The following IAH1 variants were observed in gnomAD, a reference collection of about 807,000 sequenced individuals.
IAH1 encodes the protein isoamyl acetate hydrolyzing esterase 1 (putative), also known as isoamyl acetate-hydrolyzing esterase 1 homolog.
Under a neutral mutation model 26.7 loss-of-function variants are expected in IAH1, and 24 were observed. The observed-to-expected ratio is 0.90, with a 90% confidence interval of 0.65 to 1.26. The LOEUF is 1.26. Among genes scored for constraint, IAH1 ranks in the 50% most tolerant of loss-of-function variants. The pLI is 0.00. For missense variants in IAH1, 300 were observed against 299.9 expected, an observed-to-expected ratio of 1.00 and a Z score of 0.00; for synonymous variants, 140 against 118.5, an observed-to-expected ratio of 1.18 and a Z score of -1.18.
At position 9,478,272 on chromosome 2, in the gene IAH1, C is replaced by T. The variant is rs770430390; in HGVS notation, c.185C>T (p.Ala62Val). ...TTTTCAGGTTACAATACCAGGTGGG[C>T]CAAAATTATCCTTCCAAGATTAATC... is the stretch of plus-strand genomic sequence containing the variant. ...RGFSGYNTRW[A>V]KIILPRLIRK... is the part of the protein sequence containing the mutation. The change falls in exon 3 of 6, where the codon GCC becomes GTC. Residue 62 changes from alanine to valine, a missense_variant. Transcript: ENST00000497473. The T allele has an allele frequency of 1.2e-6, 2 of 1,612,604 alleles. No individual in the cohort carries two copies. The highest frequency in any genetic ancestry group is 3.3e-5 in the Admixed American group (2 of 59,788).
rs1348081033 is a variant in IAH1 at position 9,488,330 on chromosome 2, C to T, written c.*1C>T. 6.3e-7 allele frequency: 1 copy of T among 1,594,876 alleles called. No individual in the cohort carries two copies. The highest frequency in any genetic ancestry group is 8.5e-7 in the Non-Finnish European group (1 of 1,173,406). On this transcript the variant is annotated 3_prime_UTR_variant, in exon 6 of 6. Coordinates refer to ENST00000497473, the MANE Select transcript of IAH1 (RefSeq NM_001039613.3). ...TCTGCTGGGAGATGGAGACCATTAG[C>T]CAATCACAGGAGACCCAAATCTGCT...
chr2:9,498,373 G>T (rs1662773603), downstream of IAH1, among the ~76,000 whole-genome samples: 1 of 152,178 alleles, frequency 6.6e-6, no homozygotes, highest in Non-Finnish European at 1.5e-5. Context: ...GTTAAACTGG[G>T]AGAGACAGGA....
chr2:9,496,151 TG>T (rs1433739815), intron 6 of IAH1, among the ~76,000 whole-genome samples: 1 of 152,122 alleles, frequency 6.6e-6, no homozygotes, highest in South Asian at 2.1e-4. Context: ...TTATTTGAAA[TG>T]GAGTCTCGCT....
downstream of IAH1, chr2:9,490,328 T>C: frequency 6.2e-7 from 1 of 1,614,092 alleles, no homozygotes; most frequent in South Asian, 1.1e-5. Context: ...CTCAAACCCA[T>C]CCTCGTCCAT....
chr2:9,489,725 CA>C (rs548548539), exon 6 of IAH1: 5,324 of 78,278 alleles, frequency 0.068, 40 homozygotes, highest in Non-Finnish European at 0.077. Context: ...TAGTTGAAGG[CA>C]AAAAAAAAAA....
the IAH1 span, chr2:9,505,070 T>TCA: frequency 2.3e-6 from 3 of 1,324,218 alleles, no homozygotes; most frequent in South Asian, 3.8e-5. Flanking sequence ...CACACCCCTT[T>TCA]CAGTTGATTC....
rs1661362198 is a variant in IAH1 at position 9,484,477 on chromosome 2, A to G, written c.491A>G (p.Asn164Ser). 2 of 1,614,216 alleles carry G rather than the reference A, an allele frequency of 1.2e-6. No homozygotes were observed. Among genetic ancestry groups the G allele is most frequent in the Non-Finnish European group, 1.7e-6 (2 of 1,180,036 alleles). ...AACTCTGTTGTTGGTGAATATGCCA[A>G]TGCGTGTTTACAAGTGGCCCAAGAC... ...RLNSVVGEYA[N>S]ACLQVAQDCG... The change falls in exon 5 of 6, where the codon AAT (asparagine) becomes AGT (serine). Residue 164 changes from asparagine to serine, a missense_variant. By Grantham distance (46) the Asn-to-Ser change is conservative (BLOSUM62 1). Coordinates refer to ENST00000497473, the MANE Select transcript of IAH1 (RefSeq NM_001039613.3).
chr2:9,510,203 T>C, the IAH1 span: 1 of 1,528,626 alleles, frequency 6.5e-7, no homozygotes, highest in South Asian at 1.1e-5. Context: ...GTTGGGCCTA[T>C]GCTGTCTTAA....
At chr2:9,477,761 AACGAATGTATTT>A (rs1163519598) in intron 2 of IAH1, among the ~76,000 whole-genome samples, 13 of 152,214 alleles carry the variant, frequency 8.5e-5, no homozygotes, top group African/African-American at 3.1e-4. Context: ...GTTGAAACAC[AACGAATGTATTT>A]ACTAAAACTA....
At chr2:9,508,631 T>G in the IAH1 span, among the ~76,000 whole-genome samples, 3 of 152,168 alleles carry the variant, frequency 2.0e-5, no homozygotes, top group Non-Finnish European at 4.4e-5. Flanking sequence ...AAAATTTAAA[T>G]AAAATAGAAT....
intron 1 of IAH1, 26 bp from the exon 2 acceptor site, chr2:9,475,961 G>A (rs1228038024): frequency 6.2e-7 from 1 of 1,607,602 alleles, no homozygotes; most frequent in Non-Finnish European, 8.5e-7. Flanking sequence ...GTCATTAGTA[G>A]TAATAATGGG....
upstream of IAH1, among the ~76,000 whole-genome samples, chr2:9,474,070 G>A (rs1227332761): frequency 1.3e-5 from 2 of 152,278 alleles, no homozygotes; most frequent in Non-Finnish European, 2.9e-5. The surrounding 1 kb of genome is among the most constrained non-coding windows in gnomAD (Gnocchi z 4.3). Flanking sequence ...GTCATTCGCA[G>A]AACCACGAGG....
intron 5 of IAH1, among the ~76,000 whole-genome samples, chr2:9,487,807 TGTGTGTGTGTGTGTGTGTGTGTGTGTGC>T (rs1175608569): frequency 1.1e-5 from 1 of 91,374 alleles, no homozygotes; most frequent in African/African-American, 4.4e-5. Flanking sequence ...TGTGTGTGTG[TGTGTGTGTGTGTGTGTGTGTGTGTGTGC>T]GCGCGCGCGC....
At chr2:9,474,479 A>G, upstream of IAH1, 1 of 739,142 alleles carries the variant, frequency 1.4e-6, no homozygotes. This position sits in a 1 kb window ranked among gnomAD's most constrained non-coding sequence, Gnocchi z 4.3. Context: ...GTGGGTGCCC[A>G]CGAGCCCGGC....
At position 9,477,615 on chromosome 2, in the gene IAH1, G is replaced by A. The variant is rs143332096; in HGVS notation, c.135-607G>A. On this transcript the variant is annotated intron_variant, in intron 2 of 5. Transcript: ENST00000497473. ...GAGGAAGGAGCACAGCGTGCCCAGG[G>A]TCACGCCTAGTCACACAGGGAGCCG... Among the ~76,000 whole-genome samples the A allele has an allele frequency of 2.0e-3, 305 of 151,040 alleles. 1 individual carries two copies. Among genetic ancestry groups the A allele is most frequent in the Middle Eastern group, 7.0e-3 (2 of 286 alleles).
chr2:9,488,412 C>A lies in IAH1; in HGVS notation c.*83C>A. On this transcript the variant is annotated 3_prime_UTR_variant, in exon 6 of 6. Coordinates refer to ENST00000497473, the MANE Select transcript of IAH1 (RefSeq NM_001039613.3). ...GTAGAGGTACGCTTTTTTCCTCAGG[C>A]TTAAACCTTTGCCACTGATATTAAT... 9.0e-7 allele frequency: 1 copy of A among 1,112,638 alleles called. No homozygotes were observed. The highest frequency in any genetic ancestry group is 1.3e-6 in the Non-Finnish European group (1 of 789,146). 68.9% of individuals were successfully genotyped at this position (1,112,638 alleles called of 1,614,324 possible). A position where few individuals can be genotyped will look rare whatever the true frequency, so the allele number is the denominator to read the frequency against.
chr2:9,493,289 C>G (rs745408594), downstream of IAH1, among the ~76,000 whole-genome samples: 2 of 152,136 alleles, frequency 1.3e-5, no homozygotes, highest in Non-Finnish European at 2.9e-5. Context: ...CTTAAGAAGA[C>G]AAAGTTTTTG....
the IAH1 span, among the ~76,000 whole-genome samples, chr2:9,508,269 C>T: frequency 6.6e-6 from 1 of 152,282 alleles, no homozygotes; most frequent in Non-Finnish European, 1.5e-5. Context: ...AATATTCAAG[C>T]ATCTATGAAG....
chr2:9,493,239 G>A (rs1662304758), downstream of IAH1, among the ~76,000 whole-genome samples: 2 of 152,214 alleles, frequency 1.3e-5, no homozygotes, highest in Admixed American at 1.3e-4. Flanking sequence ...TGGAGTAGCT[G>A]TGTCAACAGA....
Sources: allele counts gnomAD v4.1 joint callset (sites outside exome capture counted in the v4.1 genomes callset), GRCh38; gene constraint gnomAD v4.1.1; non-coding constraint Gnocchi (gnomAD v3.1); transcripts MANE v1.5; gene names NCBI Gene and HGNC (gene_info 2026-07-23, HGNC 2026-07-21).